INPP5D: variants seen among roughly 807,000 people sequenced by gnomAD.
INPP5D encodes inositol polyphosphate-5-phosphatase D.
INPP5D carries 33 observed loss-of-function variants against 122.9 expected under a neutral mutation model. The observed-to-expected ratio is 0.27, with a 90% confidence interval of 0.20 to 0.36. INPP5D has a LOEUF of 0.36. INPP5D is among the 10% of genes least tolerant of loss of function. The pLI, the probability that INPP5D is intolerant of heterozygous loss-of-function variation, is 1.00. For synonymous variants in INPP5D, 584 were observed against 576.2 expected (o/e 1.01, Z -0.19); for missense variants, 1,053 against 1,412.7 (o/e 0.75, Z 4.08).
chr2:233,115,545 C>T (rs376731551), intron 2 of INPP5D, among the ~76,000 whole-genome samples: 8 of 152,264 alleles, frequency 5.3e-5, no homozygotes, highest in African/African-American at 1.9e-4. Context: ...GTTTTAAAGA[C>T]CCGGGTGCCC....
chr2:233,169,203 CCTCA>C (rs1694424440), intron 13 of INPP5D, 98 bp from the exon 14 acceptor site: 1 of 1,514,540 alleles, frequency 6.6e-7, no homozygotes, highest in Admixed American at 2.0e-5. Flanking sequence ...CTTGCCAGCT[CCTCA>C]CTCACTGCCC....
At chr2:233,098,561 T>C (rs1025040514) in intron 2 of INPP5D, among the ~76,000 whole-genome samples, 3 of 152,160 alleles carry the variant, frequency 2.0e-5, no homozygotes, top group African/African-American at 7.2e-5. Flanking sequence ...GGATCCCGGT[T>C]CTCCCCTCAG....
At chr2:233,150,674 G>A (rs943665970) in intron 9 of INPP5D, among the ~76,000 whole-genome samples, 3 of 152,196 alleles carry the variant, frequency 2.0e-5, no homozygotes, top group Non-Finnish European at 4.4e-5. Context: ...TATTTGCGTA[G>A]CATCTTCTAT....
chr2:233,182,510 G>A lies in INPP5D; in HGVS notation c.2161+11G>A. 1 of 1,613,082 alleles carries A rather than the reference G, an allele frequency of 6.2e-7. No homozygotes were observed. The highest frequency in any genetic ancestry group is 8.5e-7 in the Non-Finnish European group (1 of 1,179,288). Reference sequence around the variant, plus strand: ...TTGTCTCCAAGAACGGTAAGCAAAGGATGGTGTCTGTTTCTCTGTTTTCCT... The same window carrying A: ...TTGTCTCCAAGAACGGTAAGCAAAGAATGGTGTCTGTTTCTCTGTTTTCCT... On this transcript the variant is annotated intron_variant, in intron 19 of 26. Coordinates refer to ENST00000445964, the MANE Select transcript of INPP5D (RefSeq NM_001017915.3).
intron 2 of INPP5D, among the ~76,000 whole-genome samples, chr2:233,118,082 G>A (rs1346365061): frequency 2.0e-5 from 3 of 152,194 alleles, no homozygotes; most frequent in African/African-American, 7.2e-5. Flanking sequence ...CCTGCTGTGG[G>A]TGGGAACCCC....
intron 2 of INPP5D, among the ~76,000 whole-genome samples, chr2:233,092,900 C>A (rs1229118026): frequency 6.8e-6 from 1 of 146,200 alleles, no homozygotes; most frequent in Admixed American, 6.8e-5. Context: ...CATCTTCATT[C>A]CTCAGCCCCA....
chr2:233,096,955 A>G (rs1692160727), intron 2 of INPP5D, among the ~76,000 whole-genome samples: 1 of 152,166 alleles, frequency 6.6e-6, no homozygotes, highest in South Asian at 2.1e-4. Context: ...CCATCCCAAT[A>G]TTATTTATTT....
rs192865026 is a variant in INPP5D at position 233,109,372 on chromosome 2, C to T, written c.199-12735C>T. On this transcript the variant is annotated intron_variant, in intron 2 of 26. Transcript: ENST00000445964. ...GCTGCTGCAGTCACCTCACCCTCGT[C>T]TATGCGCGTTGCTGTGTGACTCTGG... is the stretch of plus-strand genomic sequence containing the variant. Among the ~76,000 whole-genome samples the T allele has an allele frequency of 4.0e-4, 61 of 152,344 alleles. No individual in the cohort carries two copies. The East Asian group carries it at 4.8e-3, about 12-fold the overall frequency.
intron 2 of INPP5D, among the ~76,000 whole-genome samples, chr2:233,117,174 G>T (rs1356166231): frequency 1.3e-5 from 2 of 152,160 alleles, no homozygotes; most frequent in Non-Finnish European, 2.9e-5. Context: ...TTTCAGGAAG[G>T]CGGCTGCTGT....
intron 25 of INPP5D, among the ~76,000 whole-genome samples, chr2:233,198,911 C>T (rs1161016380): frequency 6.7e-6 from 1 of 150,190 alleles, no homozygotes; most frequent in African/African-American, 2.5e-5. Context: ...GATTGCGCCA[C>T]TGCACTCCAG....
intron 18 of INPP5D, among the ~76,000 whole-genome samples, chr2:233,180,018 G>A (rs1694743594): frequency 6.6e-6 from 1 of 152,132 alleles, no homozygotes; most frequent in African/African-American, 2.4e-5. Context: ...ATCTGGGGTC[G>A]GCTGGCTGTC....
chr2:233,072,365 A>C (rs891622581), intron 1 of INPP5D, among the ~76,000 whole-genome samples: 11 of 152,200 alleles, frequency 7.2e-5, no homozygotes, highest in African/African-American at 2.7e-4. Flanking sequence ...ACCATTTTGC[A>C]TGATTACAAT....
intron 1 of INPP5D, among the ~76,000 whole-genome samples, chr2:233,061,001 G>C (rs1691057378): frequency 6.6e-6 from 1 of 152,234 alleles, no homozygotes; most frequent in African/African-American, 2.4e-5. Flanking sequence ...CCTGAGAAGA[G>C]CAAAGGTGGC....
chr2:233,124,771 G>A (rs1231504385), intron 3 of INPP5D, among the ~76,000 whole-genome samples: 1 of 152,242 alleles, frequency 6.6e-6, no homozygotes, highest in Non-Finnish European at 1.5e-5. Context: ...TTTCTGTGAG[G>A]GCTGAAAAAA....
In INPP5D at chr2:233,146,246, C is replaced by T. The variant is rs746212829; in HGVS notation, c.834+4C>T. The T allele has an allele frequency of 6.2e-5, 44 of 704,160 alleles. 1 individual carries two copies. The highest frequency in any genetic ancestry group is 2.2e-4 in the Admixed American group (11 of 50,000). 43.6% of individuals were successfully genotyped at this position (704,160 alleles called of 1,614,324 possible). A position where few individuals can be genotyped will look rare whatever the true frequency, so the allele number is the denominator to read the frequency against. On this transcript the variant is annotated splice_donor_region_variant and intron_variant, in intron 7 of 26. Transcript: ENST00000445964. The stretch of plus-strand genomic sequence containing the variant: ...GTTGTCGTCCATTGAAGACAAGGTA[C>T]GTGTGGGGCTCCTGCGGCTTCTCTT...
intron 6 of INPP5D, among the ~76,000 whole-genome samples, chr2:233,145,620 G>A (rs1359730714): frequency 6.6e-6 from 1 of 152,104 alleles, no homozygotes; most frequent in Non-Finnish European, 1.5e-5. Context: ...TTGAGTCTCT[G>A]GAGATTCCTC....
At chr2:233,139,708 T>C in intron 5 of INPP5D, 134 bp from the exon 6 acceptor site, 2 of 391,214 alleles carry the variant, frequency 5.1e-6, no homozygotes, top group East Asian at 3.6e-5. Context: ...TGCCCGGGCT[T>C]GTCCTTCTGG....
At chr2:233,182,637 T>G in intron 19 of INPP5D, 138 bp downstream of exon 19, 1 of 1,348,918 alleles carries the variant, frequency 7.4e-7, no homozygotes. Flanking sequence ...TCAGTCAGTT[T>G]CTTCATGTCC....
chr2:233,067,053 C>T (rs1691249546), intron 1 of INPP5D, among the ~76,000 whole-genome samples: 1 of 152,240 alleles, frequency 6.6e-6, no homozygotes. Flanking sequence ...GCTGGGATTA[C>T]AGGCGTGAGC....
Sources: allele counts gnomAD v4.1 joint callset (sites outside exome capture counted in the v4.1 genomes callset), GRCh38; gene constraint gnomAD v4.1.1; transcripts MANE v1.5; gene names NCBI Gene and HGNC (gene_info 2026-07-23, HGNC 2026-07-21).